The following DNMBP variants were observed in gnomAD, a reference collection of about 807,000 sequenced individuals.
DNMBP encodes dynamin binding protein.
Under a neutral mutation model 150.0 loss-of-function variants are expected in DNMBP, and 87 were observed. The ratio of observed to expected loss-of-function variants is 0.58; its 90% CI spans 0.49 to 0.69. The LOEUF (loss-of-function observed/expected upper bound fraction) is 0.69, where lower values mean the gene tolerates loss of function less well. Ranked by LOEUF, DNMBP falls within the 30% of genes least tolerant of loss-of-function variation. The probability of loss-of-function intolerance (pLI) is 0.00; values close to 1 mark genes in which losing one functional copy is unlikely to be tolerated. For missense variants in DNMBP, 1,774 were observed against 1,949.0 expected, an observed-to-expected ratio of 0.91 and a Z score of 1.69; for synonymous variants, 711 against 750.4, an observed-to-expected ratio of 0.95 and a Z score of 0.86.
In DNMBP at chr10:99,956,355, G is replaced by C. The variant is rs35924554; in HGVS notation, c.1119C>G (p.Asn373Lys). Residue 373 changes from asparagine (N) to lysine (K), a missense_variant, in exon 4 of 17, where the codon AAC becomes AAG. Transcript: ENST00000324109. ...CTGCGGTGTCCTCGTCCTGATAAGA[G>C]TTTCTGTCTGTGTCATACTCTGAAG... ...HLTSEYDTDR[N>K]SYQDEDTAGG... is the part of the protein sequence containing the mutation. 0.042 allele frequency: 68,207 copies of C among 1,613,934 alleles called. 1,614 individuals are homozygous for C. The highest frequency in any genetic ancestry group is 0.08 in the African/African-American group (6,007 of 74,938).
chr10:99,982,763 G>T (rs2040792160), intron 1 of DNMBP, among the ~76,000 whole-genome samples: 1 of 152,074 alleles, frequency 6.6e-6, no homozygotes, highest in African/African-American at 2.4e-5. Flanking sequence ...GTCCAGACTG[G>T]GCAACATGGC....
intron 8 of DNMBP, 46 bp downstream of exon 8, chr10:99,898,697 T>A: frequency 6.2e-7 from 1 of 1,607,204 alleles, no homozygotes; most frequent in South Asian, 1.1e-5. Context: ...TTAGGAAAAA[T>A]CCACAGAAGA....
chr10:99,877,092 C>CGTATCTTTAA lies in DNMBP; in HGVS notation c.*58_*59insTTAAAGATAC. 7.2e-7 allele frequency: 1 copy of CGTATCTTTAA among 1,383,414 alleles called. No individual in the cohort carries two copies. The highest frequency in any genetic ancestry group is 9.5e-7 in the Non-Finnish European group (1 of 1,056,938). The allele number at this position is 1,383,414 out of a possible 1,614,324, so 85.7% of individuals were successfully genotyped here. On this transcript the variant is annotated 3_prime_UTR_variant, in exon 17 of 17. Transcript: ENST00000324109. ...AGCAGGCGCCCTCTCGGTGGGCCGC[C>CGTATCTTTAA]AGAACCCTCGGCGGACTGAAAGCAA... is the stretch of plus-strand genomic sequence containing the variant.
In DNMBP at chr10:99,898,251, G is replaced by C; in HGVS notation, c.2755C>G (p.Leu919Val). 6.2e-7 allele frequency: 1 copy of C among 1,614,006 alleles called. No individual in the cohort carries two copies. The highest frequency in any genetic ancestry group is 1.3e-5 in the African/African-American group (1 of 74,994). Residue 919 changes from leucine to valine, a missense_variant, in exon 9 of 17, where the codon CTC (leucine) becomes GTC (valine). Physicochemically the swap from Leu to Val is conservative, Grantham distance 32. Transcript: ENST00000324109. ...ATTACTCTCTGTACTGGTTTGATGA[G>C]GAAGGAGCCCAGGTTAATATAATTT... ...CTNYINLGSF[L>V]IKPVQRVMRY...
Position 99,938,613 on chromosome 10 carries a change from C to T in DNMBP, c.2260+16601G>A, listed in dbSNP as rs375582223. On this transcript the variant is annotated intron_variant, in intron 4 of 16. Coordinates refer to ENST00000324109, the MANE Select transcript of DNMBP (RefSeq NM_015221.4). Reference sequence around the variant, plus strand: ...AACAGTTGGTTACAAAAGGGGGCTTCCCCCACCCTTTCTAAGTCCGATTGC... The same window carrying T: ...AACAGTTGGTTACAAAAGGGGGCTTTCCCCACCCTTTCTAAGTCCGATTGC... 4.1e-4 allele frequency among the ~76,000 whole-genome samples: 63 copies of T among 152,242 alleles called. 1 individual carries two copies. The East Asian group carries it at 9.8e-3, about 24-fold the overall frequency.
At chr10:99,935,789 C>G (rs1454994805) in intron 4 of DNMBP, among the ~76,000 whole-genome samples, 1 of 152,184 alleles carries the variant, frequency 6.6e-6, no homozygotes, top group African/African-American at 2.4e-5. Context: ...GTCTTGAACT[C>G]CTGACCTGAG....
intron 1 of DNMBP, among the ~76,000 whole-genome samples, chr10:99,993,333 G>A (rs897567393): frequency 4.6e-5 from 7 of 152,114 alleles, no homozygotes; most frequent in Non-Finnish European, 7.4e-5. Flanking sequence ...GTTTCTTTTG[G>A]GGGTAATGAA....
At chr10:99,884,285 C>T in intron 14 of DNMBP, 76 bp from the exon 15 acceptor site, 1 of 1,342,484 alleles carries the variant, frequency 7.4e-7, no homozygotes, top group Non-Finnish European at 1.0e-6. Context: ...AACATGTGGC[C>T]AGTCTCAGAA....
intron 1 of DNMBP, among the ~76,000 whole-genome samples, chr10:99,981,151 GA>G (rs1468247612): frequency 6.6e-6 from 1 of 152,150 alleles, no homozygotes; most frequent in Non-Finnish European, 1.5e-5. Flanking sequence ...CATAAAACGT[GA>G]ATGTGAAAGA....
intron 1 of DNMBP, among the ~76,000 whole-genome samples, chr10:99,999,751 C>CCA (rs1370321729): frequency 6.6e-5 from 10 of 152,278 alleles, no homozygotes; most frequent in Non-Finnish European, 8.8e-5. Flanking sequence ...TTGGTGCTAT[C>CCA]CACAGTTTCA....
At chr10:99,892,775 A>G (rs1168227141) in intron 11 of DNMBP, among the ~76,000 whole-genome samples, 2 of 152,086 alleles carry the variant, frequency 1.3e-5, no homozygotes, top group Non-Finnish European at 2.9e-5. Context: ...ATTAAAAAAA[A>G]ATACTAAAAC....
chr10:99,994,540 TTAC>T (rs761451240), intron 1 of DNMBP, among the ~76,000 whole-genome samples: 8 of 152,112 alleles, frequency 5.3e-5, no homozygotes, highest in Non-Finnish European at 8.8e-5. Flanking sequence ...GACTCTGTGG[TTAC>T]TGGTCACCAG....
At chr10:99,957,364 G>C in intron 3 of DNMBP, 159 bp from the exon 4 acceptor site, 1 of 693,480 alleles carries the variant, frequency 1.4e-6, no homozygotes, top group Non-Finnish European at 2.4e-6. Flanking sequence ...TATTGAATTG[G>C]AGCAGTTCTA....
At chr10:99,917,986 A>AG (rs1301200711) in intron 4 of DNMBP, among the ~76,000 whole-genome samples, 5 of 55,098 alleles carry the variant, frequency 9.1e-5, no homozygotes, top group East Asian at 6.4e-4. Flanking sequence ...AAAAAAAAAA[A>AG]AAAAGAAAAG....
chr10:99,969,066 A>G, intron 3 of DNMBP, 49 bp downstream of exon 3: 4 of 1,605,066 alleles, frequency 2.5e-6, no homozygotes, highest in Non-Finnish European at 3.4e-6. Flanking sequence ...AAACGGGCAG[A>G]CTCCAAAAAT....
intron 4 of DNMBP, among the ~76,000 whole-genome samples, chr10:99,953,898 G>A (rs538721395): frequency 1.3e-5 from 2 of 152,168 alleles, no homozygotes; most frequent in South Asian, 4.2e-4. Context: ...TCTTAACCTG[G>A]AAGTCTTTAG....
chr10:99,885,895 A>G lies in DNMBP; in HGVS notation c.3619-29T>C, dbSNP rs202226071. On this transcript the variant is annotated intron_variant, in intron 13 of 16. Transcript: ENST00000324109. The stretch of plus-strand genomic sequence containing the variant: ...GGGTCCATGGGAAGAGCAGAGATAG[A>G]GAAAAGAAGAAAACACGATAAAAGA... 15 of 1,555,126 alleles carry G rather than the reference A, an allele frequency of 9.6e-6. No homozygotes were observed. In the Admixed American group the frequency reaches 1.2e-4, roughly 13 times the overall value.
intron 6 of DNMBP, among the ~76,000 whole-genome samples, chr10:99,902,160 G>C (rs558618515): frequency 9.2e-5 from 14 of 152,160 alleles, no homozygotes; most frequent in African/African-American, 3.4e-4. Context: ...CAAAGTGCTG[G>C]GATAACGGGC....
intron 1 of DNMBP, among the ~76,000 whole-genome samples, chr10:100,001,121 C>T (rs1469595077): frequency 2.7e-5 from 4 of 149,498 alleles, no homozygotes; most frequent in African/African-American, 4.9e-5. Flanking sequence ...ATCCCAGCTA[C>T]TCGGGAGGCT....
Sources: gnomAD v4.1 joint callset for allele counts (sites outside exome capture counted in the v4.1 genomes callset) on GRCh38, gnomAD v4.1.1 for gene constraint, MANE v1.5 for transcripts, NCBI Gene and HGNC (gene_info 2026-07-23, HGNC 2026-07-21) for gene names.